The following IMPA2 variants were observed in gnomAD, a reference collection of about 807,000 sequenced individuals.
The protein encoded by IMPA2 is inositol monophosphatase 2.
A neutral mutation model predicts 35.1 loss-of-function variants in IMPA2; 32 were observed. The ratio of observed to expected loss-of-function variants is 0.91; its 90% CI spans 0.69 to 1.23. IMPA2 has a LOEUF of 1.23. Among genes scored for constraint, IMPA2 ranks in the 50% most tolerant of loss-of-function variants. IMPA2 has a pLI of 0.00. For missense variants in IMPA2, 334 were observed against 387.6 expected, an observed-to-expected ratio of 0.86 and a Z score of 1.16; for synonymous variants, 135 against 160.6, an observed-to-expected ratio of 0.84 and a Z score of 1.20.
intron 4 of IMPA2, 198 bp downstream of exon 4, chr18:12,012,413 TCCGTGGCTGGCCCTTGTCCC>T (rs1907460045): frequency 5.1e-6 from 3 of 588,408 alleles, no homozygotes; most frequent in Non-Finnish European, 9.1e-6. Context: ...GGGGTGGGGC[TCCGTGGCTGGCCCTTGTCCC>T]CCGTGGAGGG....
In IMPA2 at chr18:12,030,624, G is replaced by A. The variant is rs1403614317; in HGVS notation, c.*166G>A. On this transcript the variant is annotated 3_prime_UTR_variant, in exon 8 of 8. Transcript: ENST00000269159. ...TGAGTGGCTGGCCTTTTAAATCGAC[G>A]TCTCTCTCACCAGGATTTGGTGTTT... The A allele has an allele frequency of 1.5e-5, 9 of 596,036 alleles. No individual in the cohort carries two copies. Among genetic ancestry groups the A allele is most frequent in the East Asian group, 2.8e-5 (1 of 35,676 alleles). The allele number at this position is 596,036 out of a possible 1,614,324, so 36.9% of individuals were successfully genotyped here.
At chr18:11,999,283 G>C in intron 2 of IMPA2, 96 bp downstream of exon 2, 2 of 1,240,090 alleles carry the variant, frequency 1.6e-6, no homozygotes, top group Non-Finnish European at 2.2e-6. Flanking sequence ...GCTGTTTGTT[G>C]ATGTGGCCAG....
At chr18:11,997,599 G>A (rs990788945) in intron 1 of IMPA2, among the ~76,000 whole-genome samples, 9 of 152,216 alleles carry the variant, frequency 5.9e-5, no homozygotes, top group Admixed American at 3.3e-4. Flanking sequence ...AGGAGCACAT[G>A]GGAGGCTGAG....
chr18:12,002,852 C>T (rs921882437), intron 2 of IMPA2, among the ~76,000 whole-genome samples: 1 of 151,856 alleles, frequency 6.6e-6, no homozygotes, highest in African/African-American at 2.4e-5. Flanking sequence ...TGAAAAACCC[C>T]ACTGCACTGC....
At chr18:12,022,581 C>T (rs1907764075) in intron 5 of IMPA2, among the ~76,000 whole-genome samples, 1 of 127,602 alleles carries the variant, frequency 7.8e-6, no homozygotes, top group Non-Finnish European at 1.7e-5. Flanking sequence ...GCGTTTAAGA[C>T]CTAAGATATG....
At chr18:11,987,323 T>C (rs958127327) in intron 1 of IMPA2, among the ~76,000 whole-genome samples, 4 of 152,166 alleles carry the variant, frequency 2.6e-5, no homozygotes, top group Non-Finnish European at 5.9e-5. Flanking sequence ...TTCAACTGTT[T>C]TATTTATTAT....
rs141775845 is a variant in IMPA2, at chr18:12,030,024, C to T, written c.752-319C>T. ...GTCAAGCTTGAGAAGGGCAGCTCCC[C>T]TGTTCGGGTCTAGCCCATTGCTTGC... is the stretch of plus-strand genomic sequence containing the variant. On this transcript the variant is annotated intron_variant, in intron 7 of 7. Coordinates refer to ENST00000269159, the MANE Select transcript of IMPA2 (RefSeq NM_014214.3). Among the ~76,000 whole-genome samples the T allele has an allele frequency of 6.0e-4, 92 of 152,364 alleles. No individual in the cohort carries two copies. The East Asian group carries it at 0.011, about 18-fold the overall frequency.
chr18:11,998,345 G>A (rs1361620897), intron 1 of IMPA2, among the ~76,000 whole-genome samples: 1 of 152,192 alleles, frequency 6.6e-6, no homozygotes, highest in African/African-American at 2.4e-5. Flanking sequence ...TAGCTGTGAT[G>A]GGTTTAGACC....
chr18:12,003,671 GAA>G (rs56354907), intron 2 of IMPA2, among the ~76,000 whole-genome samples: 7,693 of 108,074 alleles, frequency 0.071, 378 homozygotes, highest in Admixed American at 0.18. Context: ...AAAAGAAAAG[GAA>G]AAAAAAAAAA....
At chr18:11,986,048 G>A (rs550383750) in intron 1 of IMPA2, among the ~76,000 whole-genome samples, 28 of 152,290 alleles carry the variant, frequency 1.8e-4, no homozygotes, top group African/African-American at 6.0e-4. Context: ...ATGCTTAAGC[G>A]TCATTAGCTT....
intron 1 of IMPA2, among the ~76,000 whole-genome samples, chr18:11,995,273 T>C (rs621242): frequency 0.025 from 3,774 of 152,318 alleles, 161 homozygotes; most frequent in African/African-American, 0.086. Context: ...ACACCTACTT[T>C]GTAGCCTGTG....
intron 2 of IMPA2, among the ~76,000 whole-genome samples, chr18:12,007,625 TTTC>T (rs764445463): frequency 0.12 from 15,396 of 128,180 alleles, 1,042 homozygotes; most frequent in Admixed American, 0.21. Flanking sequence ...TTTCTTTTTC[TTTC>T]TTCTTTCTTT....
At chr18:11,986,197 G>A (rs1906659882) in intron 1 of IMPA2, among the ~76,000 whole-genome samples, 2 of 152,178 alleles carry the variant, frequency 1.3e-5, no homozygotes, top group South Asian at 2.1e-4. Context: ...TATGCTTCCC[G>A]AGGCCCGGCC....
chr18:12,013,046 G>C (rs1040713705), intron 4 of IMPA2, among the ~76,000 whole-genome samples: 8 of 152,340 alleles, frequency 5.3e-5, no homozygotes, highest in South Asian at 2.1e-4. Flanking sequence ...AAATAATATT[G>C]TGGTGCCCAG....
intron 2 of IMPA2, among the ~76,000 whole-genome samples, chr18:12,005,693 C>T (rs554924975): frequency 1.3e-5 from 2 of 152,260 alleles, no homozygotes; most frequent in East Asian, 3.9e-4. Context: ...AGACAGAGCT[C>T]CTGCTCCCGA....
In IMPA2 at chr18:12,009,905, G is replaced by A. The variant is rs751235470; in HGVS notation, c.253G>A (p.Ala85Thr). The A allele has an allele frequency of 6.2e-7, 1 of 1,614,150 alleles. No homozygotes were observed. Among genetic ancestry groups the A allele is most frequent in the Admixed American group, 1.7e-5 (1 of 60,014 alleles). The change falls in exon 3 of 8, where the codon GCT becomes ACT. Residue 85 changes from alanine to threonine, a missense_variant. Transcript: ENST00000269159. ...CAGGTTCATTGCAGAAGAGGCCGCGGCTTCTGGGGCCAAGTGTGTGCTCAC... is the reference window on the plus strand; with the variant it reads ...CAGGTTCATTGCAGAAGAGGCCGCGACTTCTGGGGCCAAGTGTGTGCTCAC... ...SHRFIAEEAA[A>T]SGAKCVLTHS...
intron 1 of IMPA2, among the ~76,000 whole-genome samples, chr18:11,987,210 G>T (rs1029043285): frequency 3.9e-5 from 6 of 152,202 alleles, no homozygotes; most frequent in Admixed American, 3.9e-4. Flanking sequence ...ACCAGAATAC[G>T]CATTTCTAAC....
chr18:12,016,022 G>GC (rs1172142796), intron 5 of IMPA2, among the ~76,000 whole-genome samples: 1 of 152,170 alleles, frequency 6.6e-6, no homozygotes, highest in Non-Finnish European at 1.5e-5. Flanking sequence ...CCTTTATGTG[G>GC]CCCCCAGTAG....
chr18:11,986,886 G>A (rs868583958), intron 1 of IMPA2, among the ~76,000 whole-genome samples: 3 of 152,184 alleles, frequency 2.0e-5, no homozygotes, highest in Non-Finnish European at 2.9e-5. Context: ...GTCCATGTTC[G>A]GATGGCCATG....
Sources: allele counts gnomAD v4.1 joint callset (sites outside exome capture counted in the v4.1 genomes callset), GRCh38; gene constraint gnomAD v4.1.1; transcripts MANE v1.5; gene names NCBI Gene and HGNC (gene_info 2026-07-23, HGNC 2026-07-21).